TAFA2: variants seen among roughly 807,000 people sequenced by gnomAD.
The protein encoded by TAFA2 is TAFA chemokine like family member 2.
Under a neutral mutation model 18.8 loss-of-function variants are expected in TAFA2, and 7 were observed. That is an observed-to-expected ratio of 0.37 (90% CI 0.21 to 0.70). TAFA2 has a LOEUF of 0.70. TAFA2 is among the 30% of genes least tolerant of loss of function. The pLI is 0.53. For synonymous variants in TAFA2, 60 were observed against 54.2 expected, an observed-to-expected ratio of 1.11 and a Z score of -0.47; for missense variants, 122 against 158.1, an observed-to-expected ratio of 0.77 and a Z score of 1.23.
At chr12:61,714,775 T>A (rs965902506) in intron 4 of TAFA2, among the ~76,000 whole-genome samples, 14 of 152,200 alleles carry the variant, frequency 9.2e-5, no homozygotes, top group African/African-American at 3.1e-4. Flanking sequence ...TTTATAAAAT[T>A]CTTAAATCTT....
intron 1 of TAFA2, among the ~76,000 whole-genome samples, chr12:62,044,323 C>T (rs1028443498): frequency 1.1e-4 from 16 of 152,094 alleles, no homozygotes; most frequent in Admixed American, 6.5e-4. Flanking sequence ...CATATTTATA[C>T]TACTTAGAGT....
intron 1 of TAFA2, among the ~76,000 whole-genome samples, chr12:61,973,141 G>A (rs1053095738): frequency 1.3e-5 from 2 of 151,582 alleles, no homozygotes; most frequent in African/African-American, 4.8e-5. Flanking sequence ...ATAGATTACA[G>A]GCACTGGCAG....
intron 1 of TAFA2, among the ~76,000 whole-genome samples, chr12:62,129,351 A>G (rs368851175): frequency 6.6e-6 from 1 of 152,056 alleles, no homozygotes; most frequent in South Asian, 2.1e-4. Flanking sequence ...TGTAATGTGA[A>G]AAGTGAATAA....
At chr12:61,989,654 C>T (rs1879934517) in intron 1 of TAFA2, among the ~76,000 whole-genome samples, 1 of 152,144 alleles carries the variant, frequency 6.6e-6, no homozygotes, top group African/African-American at 2.4e-5. Context: ...TCTTCCCCCA[C>T]TCCCAGAATA....
chr12:61,880,825 C>T (rs956895538), intron 1 of TAFA2: 85 of 299,144 alleles, frequency 2.8e-4, no homozygotes, highest in Admixed American at 4.4e-4. Flanking sequence ...GCCCCAGAGC[C>T]CATGAGAGAG....
Position 62,005,715 on chromosome 12 carries a change from G to A in TAFA2, c.-1-138289C>T, listed in dbSNP as rs115039903. On this transcript the variant is annotated intron_variant, in intron 1 of 4. Coordinates refer to ENST00000416284, the MANE Select transcript of TAFA2 (RefSeq NM_178539.5). The stretch of plus-strand genomic sequence containing the variant: ...AAACTAGAAAGCAGGTTCCCTCTCT[G>A]TCATCCTGCTTTCTTTCCATTAATC... 1.7e-3 allele frequency among the ~76,000 whole-genome samples: 264 copies of A among 152,168 alleles called. 1 individual carries two copies. The highest frequency in any genetic ancestry group is 6.1e-3 in the African/African-American group (252 of 41,544).
intron 1 of TAFA2, chr12:62,234,596 C>A: frequency 1.2e-6 from 1 of 823,298 alleles, no homozygotes; most frequent in Non-Finnish European, 2.2e-6. Context: ...AAACACCTTT[C>A]CCGTTGCACA....
intron 4 of TAFA2, among the ~76,000 whole-genome samples, chr12:61,736,727 T>C (rs1868310568): frequency 6.6e-6 from 1 of 152,002 alleles, no homozygotes; most frequent in Non-Finnish European, 1.5e-5. Context: ...ATCACCCACA[T>C]AGAGTAATTA....
At chr12:61,856,156 C>A (rs1297255366) in intron 2 of TAFA2, among the ~76,000 whole-genome samples, 1 of 151,592 alleles carries the variant, frequency 6.6e-6, no homozygotes, top group African/African-American at 2.4e-5. Context: ...CCCCTCCCCT[C>A]AAAAAAAATT....
chr12:61,844,383 C>T lies in TAFA2; in HGVS notation c.106+22937G>A, dbSNP rs147614014. ...AATACTCAGAACTGAATCATGTGTA[C>T]GGAGTCATTTGTCAAAATAGAATAA... is the stretch of plus-strand genomic sequence containing the variant. On this transcript the variant is annotated intron_variant, in intron 2 of 4. Transcript: ENST00000416284. 4.2e-3 allele frequency among the ~76,000 whole-genome samples: 640 copies of T among 152,150 alleles called. 2 individuals are homozygous for T. Among genetic ancestry groups the T allele is most frequent in the Middle Eastern group, 6.8e-3 (2 of 294 alleles).
chr12:62,253,804 T>C (rs2062925991), intron 1 of TAFA2: 2 of 152,238 alleles, frequency 1.3e-5, no homozygotes, highest in South Asian at 2.1e-4. Flanking sequence ...AAGTAATATA[T>C]TCACAAGTTC....
At chr12:62,043,459 G>A (rs1031300466) in intron 1 of TAFA2, among the ~76,000 whole-genome samples, 3 of 147,948 alleles carry the variant, frequency 2.0e-5, no homozygotes, top group Non-Finnish European at 3.0e-5. Context: ...TCCGGGGACT[G>A]TTGTGAGGTG....
chr12:62,122,353 G>A (rs551862714), intron 1 of TAFA2, among the ~76,000 whole-genome samples: 54 of 152,234 alleles, frequency 3.5e-4, no homozygotes, highest in African/African-American at 1.2e-3. Context: ...TGTTCATAAC[G>A]AAAAGCCTAA....
chr12:62,175,051 G>T (rs541818608), intron 1 of TAFA2, among the ~76,000 whole-genome samples: 16 of 152,154 alleles, frequency 1.1e-4, no homozygotes, highest in Non-Finnish European at 2.1e-4. Context: ...GTATTGATGA[G>T]CAGGGATTTA....
At chr12:61,970,599 A>G (rs1280913568) in intron 1 of TAFA2, among the ~76,000 whole-genome samples, 2 of 151,600 alleles carry the variant, frequency 1.3e-5, no homozygotes, top group African/African-American at 4.8e-5. Context: ...TGCAACAGTC[A>G]AAGGAGTTTG....
At chr12:61,814,742 G>A (rs2121021407) in intron 2 of TAFA2, among the ~76,000 whole-genome samples, 1 of 151,294 alleles carries the variant, frequency 6.6e-6, no homozygotes, top group South Asian at 2.1e-4. Context: ...GTAATCACAA[G>A]GACTCTTATA....
At chr12:61,826,541 T>C (rs1418109456) in intron 2 of TAFA2, among the ~76,000 whole-genome samples, 4 of 152,052 alleles carry the variant, frequency 2.6e-5, no homozygotes, top group Admixed American at 2.6e-4. Context: ...CATTCAAAAA[T>C]ATAAAGTGTT....
chr12:61,823,077 C>T (rs1012754238), intron 2 of TAFA2, among the ~76,000 whole-genome samples: 1 of 152,224 alleles, frequency 6.6e-6, no homozygotes, highest in Admixed American at 6.5e-5. Context: ...CTAGCATATA[C>T]ATTAAAAAAT....
At chr12:61,753,497 G>C (rs1565621649) in intron 4 of TAFA2, 125 bp downstream of exon 4, 10 of 852,126 alleles carry the variant, frequency 1.2e-5, no homozygotes, top group Non-Finnish European at 1.7e-5. Flanking sequence ...AAAAAATGGG[G>C]AAAACATATC....
Sources: allele counts gnomAD v4.1 joint callset (sites outside exome capture counted in the v4.1 genomes callset), GRCh38; gene constraint gnomAD v4.1.1; transcripts MANE v1.5; gene names NCBI Gene and HGNC (gene_info 2026-07-23, HGNC 2026-07-21).